The following ADGRV1 variants were observed in gnomAD, a reference collection of about 807,000 sequenced individuals.
ADGRV1 encodes the protein adhesion G protein-coupled receptor V1.
In ADGRV1, 359 loss-of-function variants were observed where a neutral mutation model predicts 596.2. That is an observed-to-expected ratio of 0.60 (90% CI 0.55 to 0.66). The LOEUF is 0.66. Ranked by LOEUF, ADGRV1 falls within the 30% of genes least tolerant of loss-of-function variation. ADGRV1 has a pLI of 0.00. For missense variants in ADGRV1, 7,274 were observed against 7,575.6 expected, an observed-to-expected ratio of 0.96 and a Z score of 1.48; for synonymous variants, 2,681 against 2,679.2, an observed-to-expected ratio of 1.00 and a Z score of -0.02.
intron 83 of ADGRV1, among the ~76,000 whole-genome samples, chr5:90,923,125 C>T (rs1048219943): frequency 6.6e-6 from 1 of 152,102 alleles, no homozygotes; most frequent in Admixed American, 6.6e-5. Context: ...TAAACCATAT[C>T]CTTTGAAACT....
chr5:90,966,024 GTT>G lies in ADGRV1; in HGVS notation c.17973+496_17973+497del, dbSNP rs373404360. 7.2e-5 allele frequency among the ~76,000 whole-genome samples: 11 copies of G among 152,244 alleles called. No homozygotes were observed. The South Asian group carries it at 2.1e-3, about 29-fold the overall frequency. On this transcript the variant is annotated intron_variant, in intron 84 of 89. Transcript: ENST00000405460. ...CAGTAGAAGCAAAGGGAAGTGGACT[GTT>G]TTGGAGATTTTTTTAAGCTAGAACT...
intron 73 of ADGRV1, among the ~76,000 whole-genome samples, 195 bp downstream of exon 73, chr5:90,807,932 A>G (rs955284888): frequency 6.6e-6 from 1 of 152,216 alleles, no homozygotes; most frequent in South Asian, 2.1e-4. Flanking sequence ...TGTTTGCTCT[A>G]AAGAGAGCTC....
chr5:90,613,103 C>T (rs1011665497), intron 1 of ADGRV1, among the ~76,000 whole-genome samples: 2 of 152,106 alleles, frequency 1.3e-5, no homozygotes, highest in African/African-American at 2.4e-5. Context: ...GCTGTAATTT[C>T]ACTTTCACTC....
rs558356929 is a variant in ADGRV1 at position 90,995,546 on chromosome 5, C to T, written c.18152+10024C>T. ...CCACAGGTAGTTTTTTATAGGAGTG[C>T]GAGAATGGACTAATATAGAAAATTG... On this transcript the variant is annotated intron_variant, in intron 85 of 89. Transcript: ENST00000405460. Among the ~76,000 whole-genome samples, 8 of 152,024 alleles carry T rather than the reference C, an allele frequency of 5.3e-5. No individual in the cohort carries two copies. The South Asian group carries it at 8.4e-4, about 16-fold the overall frequency.
chr5:90,658,190 C>A lies in ADGRV1; in HGVS notation c.4664C>A (p.Ser1555Ter), dbSNP rs762055707. 6.3e-7 allele frequency: 1 copy of A among 1,580,870 alleles called. No homozygotes were observed. Among genetic ancestry groups the A allele is most frequent in the Admixed American group, 1.8e-5 (1 of 57,096 alleles). ...LVSVYGGARI[S>*]EENTTARLTI... ...TCTGTATATGGAGGAGCTCGTATTT[C>A]GGAAGAAAATACTACTGCAAGATTA... Residue 1555 changes from serine to a stop codon, truncating the protein, a stop_gained, in exon 21 of 90, where the codon TCG becomes TAG. Coordinates refer to ENST00000405460, the MANE Select transcript of ADGRV1 (RefSeq NM_032119.4). LOFTEE classifies it high-confidence loss of function.
chr5:90,627,904 C>A, intron 7 of ADGRV1, 128 bp downstream of exon 7: 2 of 468,132 alleles, frequency 4.3e-6, no homozygotes, highest in Non-Finnish European at 7.3e-6. Context: ...AGTTTCATGA[C>A]AAACTCAGAA....
At chr5:90,691,270 C>T (rs183062091) in intron 31 of ADGRV1, 5 of 545,914 alleles carry the variant, frequency 9.2e-6, no homozygotes, top group Non-Finnish European at 1.7e-5. Context: ...CTTTTTTGTA[C>T]AATTAACTTG....
At chr5:90,812,817 C>A (rs2150237807) in intron 74 of ADGRV1, among the ~76,000 whole-genome samples, 1 of 152,062 alleles carries the variant, frequency 6.6e-6, no homozygotes, top group African/African-American at 2.4e-5. Flanking sequence ...TGGCTTAATG[C>A]CATTTATATA....
At chr5:90,695,344 AC>A (rs1459897259) in intron 33 of ADGRV1, among the ~76,000 whole-genome samples, 2 of 152,126 alleles carry the variant, frequency 1.3e-5, no homozygotes, top group Non-Finnish European at 2.9e-5. Flanking sequence ...CTTTTTCAGG[AC>A]TGGTTGACTC....
chr5:90,579,907 G>T (rs1362610113), intron 1 of ADGRV1, among the ~76,000 whole-genome samples: 2 of 152,038 alleles, frequency 1.3e-5, no homozygotes, highest in Non-Finnish European at 1.5e-5. Context: ...TTTAAAGTCT[G>T]TTTTATCAGA....
intron 86 of ADGRV1, among the ~76,000 whole-genome samples, chr5:91,085,369 A>G (rs1251594323): frequency 6.6e-6 from 1 of 152,188 alleles, no homozygotes; most frequent in Non-Finnish European, 1.5e-5. Flanking sequence ...TATTATAAGT[A>G]CTCTTAACTA....
intron 83 of ADGRV1, among the ~76,000 whole-genome samples, chr5:90,916,773 C>T (rs2150718693): frequency 6.8e-6 from 1 of 147,994 alleles, no homozygotes; most frequent in South Asian, 2.2e-4. Flanking sequence ...GCTGGGACTA[C>T]AGGCGCCCGC....
chr5:90,622,755 A>AT, intron 5 of ADGRV1, 54 bp downstream of exon 5: 1 of 894,822 alleles, frequency 1.1e-6, no homozygotes, highest in Non-Finnish European at 1.6e-6. Flanking sequence ...TTATTTATTT[A>AT]TTTTTGAGAC....
Position 91,072,573 on chromosome 5 carries a change from T to C in ADGRV1, c.18279T>C (p.Asp6093=). 1 of 1,613,864 alleles carries C rather than the reference T, an allele frequency of 6.2e-7. No homozygotes were observed. Among genetic ancestry groups the C allele is most frequent in the Non-Finnish European group, 8.5e-7 (1 of 1,179,772 alleles). Residue 6093 remains aspartate, a synonymous_variant, in exon 86 of 90, where the codon GAT becomes GAC. Transcript: ENST00000405460. ...YQVKPQWKAY[D]DVFRGRTNAA... Reference sequence around the variant, plus strand: ...TGAAGCCACAGTGGAAAGCATATGATGATGTCTTCAGAGGAAGGACAAATG... The same window carrying C: ...TGAAGCCACAGTGGAAAGCATATGACGATGTCTTCAGAGGAAGGACAAATG...
At chr5:90,597,271 A>T (rs1760810439) in intron 1 of ADGRV1, among the ~76,000 whole-genome samples, 1 of 152,222 alleles carries the variant, frequency 6.6e-6, no homozygotes, top group African/African-American at 2.4e-5. Flanking sequence ...GTTCTGCAGG[A>T]TGTAAATATC....
Position 90,721,243 on chromosome 5 carries a change from G to A in ADGRV1, c.9748+184G>A, listed in dbSNP as rs139716327. ...TGGGCGCTCATGTGTTGAGGCTCAT[G>A]CCTGTAATCCCAGCACTTTGGAAGG... is the stretch of plus-strand genomic sequence containing the variant. On this transcript the variant is annotated intron_variant, in intron 45 of 89. Transcript: ENST00000405460. 0.037 allele frequency among the ~76,000 whole-genome samples: 5,649 copies of A among 152,152 alleles called. 190 individuals are homozygous for A. Among genetic ancestry groups the A allele is most frequent in the African/African-American group, 0.098 (4,083 of 41,496 alleles).
intron 85 of ADGRV1, among the ~76,000 whole-genome samples, chr5:91,028,302 C>T (rs1784185830): frequency 6.6e-6 from 1 of 151,970 alleles, no homozygotes; most frequent in Admixed American, 6.6e-5. Flanking sequence ...GGACCTGACC[C>T]CGTAGGAGCA....
chr5:90,755,438 C>T (rs1755730758), intron 55 of ADGRV1, among the ~76,000 whole-genome samples: 1 of 152,114 alleles, frequency 6.6e-6, no homozygotes, highest in African/African-American at 2.4e-5. Flanking sequence ...AATTTTGAAG[C>T]ACTGAATTTA....
chr5:91,040,338 A>T (rs796656667), intron 85 of ADGRV1, among the ~76,000 whole-genome samples: 7 of 152,270 alleles, frequency 4.6e-5, no homozygotes, highest in African/African-American at 9.6e-5. Context: ...GTTCCTTCTC[A>T]TATGTTTGGG....
Sources: gnomAD v4.1 joint callset for allele counts (sites outside exome capture counted in the v4.1 genomes callset) on GRCh38, gnomAD v4.1.1 for gene constraint, MANE v1.5 for transcripts, NCBI Gene and HGNC (gene_info 2026-07-23, HGNC 2026-07-21) for gene names.